ERICH3: variants seen among roughly 807,000 people sequenced by gnomAD.
The protein encoded by ERICH3 is glutamate-rich protein 3.
ERICH3 carries 126 observed loss-of-function variants against 131.1 expected under a neutral mutation model. The ratio of observed to expected loss-of-function variants is 0.96; its 90% CI spans 0.83 to 1.11. The LOEUF is 1.11. Ranked by LOEUF, ERICH3 falls within the 50% of genes most tolerant of loss-of-function variation. The pLI is 0.00. For synonymous variants in ERICH3, 695 were observed against 644.6 expected (o/e 1.08, Z -1.18); for missense variants, 2,050 against 1,810.7 (o/e 1.13, Z -2.40).
rs573918472 is a variant in ERICH3 at position 74,573,270 on chromosome 1, G to A, written c.2440C>T (p.Pro814Ser). ...VHEAPLRAWK[P>S]TAEQPELAEE... ...GCCAATTCTGGCTGCTCTGCTGTTG[G>A]CTTCCACGCCCTCAAGGGAGCCTCA... The change falls in exon 14 of 15, where the codon CCA (proline) becomes TCA (serine). Residue 814 changes from proline to serine, a missense_variant. Pro to Ser is a moderately conservative substitution (Grantham distance 74, BLOSUM62 -1). Transcript: ENST00000326665. 6.3e-7 allele frequency: 1 copy of A among 1,599,294 alleles called. No homozygotes were observed. The highest frequency in any genetic ancestry group is 1.7e-5 in the Admixed American group (1 of 57,680).
intron 10 of ERICH3, 36 bp from the exon 11 acceptor site, chr1:74,599,967 T>C (rs1648049266): frequency 6.9e-6 from 10 of 1,446,908 alleles, no homozygotes; most frequent in Middle Eastern, 1.8e-4. Context: ...AGAATGAAAA[T>C]AGAACCCCTT....
intron 9 of ERICH3, among the ~76,000 whole-genome samples, chr1:74,611,091 A>C (rs1648671603): frequency 6.6e-6 from 1 of 152,036 alleles, no homozygotes; most frequent in Non-Finnish European, 1.5e-5. Context: ...TATGCAAACC[A>C]TTCTCAGATT....
At chr1:74,648,832 C>T (rs1646506747) in intron 2 of ERICH3, among the ~76,000 whole-genome samples, 1 of 152,108 alleles carries the variant, frequency 6.6e-6, no homozygotes, top group Non-Finnish European at 1.5e-5. Context: ...ATGTCTTCCA[C>T]ACCATATTCT....
At chr1:74,578,519 TA>T (rs1647113495) in intron 12 of ERICH3, 1 of 152,238 alleles carries the variant, frequency 6.6e-6, no homozygotes, top group African/African-American at 2.4e-5. Flanking sequence ...CAAATAAAAC[TA>T]GACTTAGATC....
In ERICH3 at chr1:74,608,350, C is replaced by T. The variant is rs142429702; in HGVS notation, c.1188-1448G>A. Among the ~76,000 whole-genome samples the T allele has an allele frequency of 2.6e-5, 4 of 152,044 alleles. No homozygotes were observed. The East Asian group carries it at 7.7e-4, about 29-fold the overall frequency. ...CTTTCTCTAGAACTACTCACGTTCC[C>T]CTCTCTGCATGTGATACAACTACCA... is the stretch of plus-strand genomic sequence containing the variant. On this transcript the variant is annotated intron_variant, in intron 9 of 14. Transcript: ENST00000326665.
chr1:74,640,284 A>G (rs925140034), intron 5 of ERICH3, among the ~76,000 whole-genome samples: 4 of 152,162 alleles, frequency 2.6e-5, no homozygotes, highest in Non-Finnish European at 4.4e-5. Flanking sequence ...TTGCCATCCA[A>G]TAAAAGAATT....
At chr1:74,665,878 G>A (rs1446884770) in intron 1 of ERICH3, among the ~76,000 whole-genome samples, 2 of 152,150 alleles carry the variant, frequency 1.3e-5, no homozygotes, top group Non-Finnish European at 2.9e-5. Flanking sequence ...AGAAGGGAGG[G>A]TGGCACAATT....
intron 1 of ERICH3, among the ~76,000 whole-genome samples, chr1:74,670,692 GA>G (rs1570927019): frequency 6.6e-6 from 1 of 152,100 alleles, no homozygotes; most frequent in African/African-American, 2.4e-5. Flanking sequence ...TGAACAATAT[GA>G]AATCAGTGCA....
At position 74,599,940 on chromosome 1, in the gene ERICH3, G is replaced by A; in HGVS notation, c.1490-9C>T. 2 of 1,582,860 alleles carry A rather than the reference G, an allele frequency of 1.3e-6. No homozygotes were observed. Among genetic ancestry groups the A allele is most frequent in the Non-Finnish European group, 8.6e-7 (1 of 1,160,864 alleles). The stretch of plus-strand genomic sequence containing the variant: ...AAAGTCTTCTTCATACTCTGAAATA[G>A]GAAAATCTCCACTATAAGAATGAAA... On this transcript the variant is annotated splice_polypyrimidine_tract_variant and intron_variant, in intron 10 of 14. Coordinates refer to ENST00000326665, the MANE Select transcript of ERICH3 (RefSeq NM_001002912.5).
At chr1:74,620,979 A>T in intron 7 of ERICH3, 65 bp from the exon 8 acceptor site, 1 of 1,304,748 alleles carries the variant, frequency 7.7e-7, no homozygotes, top group Non-Finnish European at 1.0e-6. Flanking sequence ...CTTACCTGAC[A>T]TTGTAATATG....
intron 6 of ERICH3, among the ~76,000 whole-genome samples, chr1:74,635,506 C>T (rs1445507077): frequency 6.6e-6 from 1 of 152,112 alleles, no homozygotes; most frequent in Non-Finnish European, 1.5e-5. Context: ...TTTCATATAT[C>T]TTGCGTTTCT....
chr1:74,629,845 A>G (rs1226417696), intron 7 of ERICH3, among the ~76,000 whole-genome samples: 1 of 152,200 alleles, frequency 6.6e-6, no homozygotes, highest in Non-Finnish European at 1.5e-5. Context: ...TATGCATATA[A>G]GCGATAGAAC....
intron 2 of ERICH3, 127 bp from the exon 3 acceptor site, chr1:74,646,919 G>A (rs878885011): frequency 7.6e-5 from 13 of 171,090 alleles, no homozygotes. Flanking sequence ...CACACACAGA[G>A]AGAGAAAGAG....
chr1:74,605,597 T>C (rs1648347485), intron 10 of ERICH3, among the ~76,000 whole-genome samples: 1 of 151,684 alleles, frequency 6.6e-6, no homozygotes, highest in Non-Finnish European at 1.5e-5. Context: ...CTAATTTCAA[T>C]ACTGTTGTGG....
At chr1:74,577,197 C>A in intron 12 of ERICH3, 1 of 328,940 alleles carries the variant, frequency 3.0e-6, no homozygotes, top group Non-Finnish European at 5.5e-6. Flanking sequence ...GTGAAGCTCT[C>A]CTTAGGGCCT....
intron 1 of ERICH3, among the ~76,000 whole-genome samples, chr1:74,671,223 C>G (rs1557708771): frequency 1.0e-5 from 1 of 95,816 alleles, no homozygotes; most frequent in Non-Finnish European, 2.5e-5. Context: ...ACCTTGTGAT[C>G]TTTGTTGGAC....
chr1:74,609,944 G>A (rs879863623), intron 9 of ERICH3, among the ~76,000 whole-genome samples: 1 of 151,990 alleles, frequency 6.6e-6, no homozygotes, highest in Non-Finnish European at 1.5e-5. Flanking sequence ...CCATCAGTCA[G>A]ATTTTGGTAC....
Position 74,649,301 on chromosome 1 carries a change from T to C in ERICH3, c.38A>G (p.Tyr13Cys), listed in dbSNP as rs747295880. ...HSHPAGLLAAYNSLMDKHLAG... is the reference protein window; with the variant it reads ...HSHPAGLLAACNSLMDKHLAG... Reference sequence around the variant, plus strand: ...CAGGTGTTTATCCATAAGGCTATTATATGCAGCAAGTAACCTAAAATACAA... The same window carrying C: ...CAGGTGTTTATCCATAAGGCTATTACATGCAGCAAGTAACCTAAAATACAA... Residue 13 changes from tyrosine (Y) to cysteine (C), a missense_variant, in exon 2 of 15, where the codon TAT becomes TGT. Coordinates refer to ENST00000326665, the MANE Select transcript of ERICH3 (RefSeq NM_001002912.5). The C allele has an allele frequency of 4.3e-6, 7 of 1,611,566 alleles. No homozygotes were observed. In the Admixed American group the frequency reaches 1.0e-4, roughly 23 times the overall value.
rs142554312 is a variant in ERICH3, at chr1:74,641,260, C to T, written c.444+71G>A. 36 of 1,549,100 alleles carry T rather than the reference C, an allele frequency of 2.3e-5. No homozygotes were observed. In the East Asian group the frequency reaches 7.8e-4, roughly 33 times the overall value. On this transcript the variant is annotated intron_variant, in intron 5 of 14. Transcript: ENST00000326665. ...CGGAGTCATGCTCCCAGAGAGTATC[C>T]CTTCTGAGAATAAGAAATAATAAAT...
Sources: gnomAD v4.1 joint callset for allele counts (sites outside exome capture counted in the v4.1 genomes callset) on GRCh38, gnomAD v4.1.1 for gene constraint, MANE v1.5 for transcripts, NCBI Gene and HGNC (gene_info 2026-07-23, HGNC 2026-07-21) for gene names.